The following JAK1 variants were observed in gnomAD, a reference collection of about 807,000 sequenced individuals.
The protein encoded by JAK1 is Janus kinase 1.
A neutral mutation model predicts 136.6 loss-of-function variants in JAK1; 16 were observed. The observed-to-expected ratio is 0.12, with a 90% CI of 0.08 to 0.18. JAK1 has a LOEUF of 0.18. Among genes scored for constraint, JAK1 ranks in the 10% least tolerant of loss-of-function variants. JAK1 has a pLI of 1.00. For missense variants in JAK1, 859 were observed against 1,450.1 expected (o/e 0.59, Z 6.62); for synonymous variants, 492 against 519.5 (o/e 0.95, Z 0.72).
chr1:65,046,788 GA>G (rs1200248541), intron 1 of JAK1, among the ~76,000 whole-genome samples: 1 of 151,208 alleles, frequency 6.6e-6, no homozygotes, highest in Non-Finnish European at 1.5e-5. Flanking sequence ...GGCCTCAAGT[GA>G]TCCACTCGCC....
intron 19 of JAK1, 137 bp downstream of exon 19, chr1:64,841,108 A>G (rs1654870509): frequency 1.5e-6 from 1 of 661,592 alleles, no homozygotes; most frequent in Non-Finnish European, 2.7e-6. Flanking sequence ...GTGGCCCCCA[A>G]ATGCAGTAAG....
intron 4 of JAK1, 49 bp downstream of exon 4, chr1:64,878,976 C>G: frequency 6.3e-7 from 1 of 1,599,272 alleles, no homozygotes; most frequent in Non-Finnish European, 8.5e-7. Flanking sequence ...GACCACTGTC[C>G]CTCAGTGCAG....
chr1:65,004,202 A>G (rs188517394), intron 2 of JAK1: 1 of 152,384 alleles, frequency 6.6e-6, no homozygotes, highest in East Asian at 1.9e-4. Flanking sequence ...CAGCCTCCCA[A>G]AGTGCTGGGA....
chr1:64,880,626 C>G (rs907230647), intron 3 of JAK1, among the ~76,000 whole-genome samples: 3 of 152,180 alleles, frequency 2.0e-5, no homozygotes, highest in African/African-American at 7.2e-5. Flanking sequence ...ATAATACTAA[C>G]ATTTACTGAG....
intron 1 of JAK1, among the ~76,000 whole-genome samples, chr1:64,957,318 G>T (rs753115119): frequency 1.2e-4 from 18 of 152,166 alleles, no homozygotes; most frequent in Admixed American, 3.9e-4. Flanking sequence ...GCATTATAAG[G>T]CCCAAAAGTA....
intron 1 of JAK1, 97 bp from the exon 2 acceptor site, chr1:64,886,438 A>C: frequency 1.6e-6 from 1 of 613,090 alleles, no homozygotes; most frequent in South Asian, 3.4e-5. Flanking sequence ...AACCATAAGC[A>C]GGCAAGAAAA....
At chr1:65,043,345 T>G (rs1333198189) in intron 2 of JAK1, among the ~76,000 whole-genome samples, 1 of 152,176 alleles carries the variant, frequency 6.6e-6, no homozygotes, top group East Asian at 1.9e-4. Context: ...TTCAATAACC[T>G]TGGTTACAGA....
At chr1:64,983,359 C>T (rs1176540264) in intron 2 of JAK1, among the ~76,000 whole-genome samples, 8 of 152,158 alleles carry the variant, frequency 5.3e-5, no homozygotes. Context: ...CATAGACAAG[C>T]ATGCCGTGAC....
At chr1:64,944,046 T>C (rs966362414) in intron 1 of JAK1, among the ~76,000 whole-genome samples, 1 of 151,348 alleles carries the variant, frequency 6.6e-6, no homozygotes, top group Non-Finnish European at 1.5e-5. Context: ...CACAGTGAAA[T>C]CCCGTCTCTA....
In JAK1 at chr1:64,984,735, C is replaced by T; in HGVS notation, c.-78+59745G>A. 1 of 859,134 alleles carries T rather than the reference C, an allele frequency of 1.2e-6. No homozygotes were observed. The highest frequency in any genetic ancestry group is 1.8e-6 in the Non-Finnish European group (1 of 543,154). 53.2% of individuals were successfully genotyped at this position (859,134 alleles called of 1,614,324 possible). A position where few individuals can be genotyped will look rare whatever the true frequency, so the allele number is the denominator to read the frequency against. On this transcript the variant is annotated intron_variant, in intron 2 of 25. Coordinates refer to the JAK1 transcript ENST00000671954. This position sits in a 1 kb window ranked among gnomAD's most constrained non-coding sequence, Gnocchi z 4.1. ...TGTGATATCCTTGAAAGTCCTGTAA[C>T]ACATCTCAGGGACTTTGAAGAAGGT... is the stretch of plus-strand genomic sequence containing the variant.
rs1187538700 is a variant in JAK1 at position 64,860,214 on chromosome 1, C to G, written c.1225G>C (p.Val409Leu). 6.2e-7 allele frequency: 1 copy of G among 1,611,192 alleles called. No homozygotes were observed. Among genetic ancestry groups the G allele is most frequent in the African/African-American group, 1.3e-5 (1 of 74,984 alleles). The stretch of plus-strand genomic sequence containing the variant: ...GCTGTGAGCCGGAAGTAGCCATCTA[C>G]CAGGGACACAAAGGACAAGGCCTCC... ...HEEALSFVSL[V>L]DGYFRLTADA... Residue 409 changes from valine (V) to leucine (L), a missense_variant, in exon 9 of 25, where the codon GTA (valine) becomes CTA (leucine). Val to Leu is a conservative substitution (Grantham distance 32). This residue lies in a region of JAK1 where 409 missense variants were observed against 753.8 expected (regional missense o/e 0.54). Coordinates refer to ENST00000342505, the MANE Select transcript of JAK1 (RefSeq NM_002227.4).
intron 4 of JAK1, among the ~76,000 whole-genome samples, chr1:64,874,358 A>G (rs1398267655): frequency 6.6e-6 from 1 of 152,182 alleles, no homozygotes; most frequent in African/African-American, 2.4e-5. Flanking sequence ...CGAACTGTGT[A>G]GCACAGAAAT....
intron 1 of JAK1, among the ~76,000 whole-genome samples, chr1:65,053,338 C>G (rs553922027): frequency 6.6e-6 from 1 of 152,052 alleles, no homozygotes; most frequent in African/African-American, 2.4e-5. Context: ...GAGCAAGACT[C>G]CGCCTCAAAA....
At chr1:65,054,155 A>G in intron 1 of JAK1, among the ~76,000 whole-genome samples, 1 of 152,146 alleles carries the variant, frequency 6.6e-6, no homozygotes, top group East Asian at 1.9e-4. Context: ...CCCTTAGGGA[A>G]GGTTACTGCT....
At chr1:64,987,250 C>T (rs1646608749) in intron 2 of JAK1, 1 of 152,188 alleles carries the variant, frequency 6.6e-6, no homozygotes, top group South Asian at 2.1e-4. Flanking sequence ...CATATCTATT[C>T]ACTCTACCCT....
chr1:65,057,683 TC>T (rs935811248), intron 1 of JAK1: 3 of 154,772 alleles, frequency 1.9e-5, no homozygotes, highest in Non-Finnish European at 4.4e-5. Context: ...AAAAAAAATT[TC>T]CTAGTCTTTC....
intron 1 of JAK1, among the ~76,000 whole-genome samples, chr1:64,912,600 C>T (rs1446061713): frequency 6.6e-6 from 1 of 152,226 alleles, no homozygotes; most frequent in African/African-American, 2.4e-5. Flanking sequence ...CAATGCTAAT[C>T]ACTCTACATG....
intron 2 of JAK1, among the ~76,000 whole-genome samples, chr1:64,976,164 T>C (rs1006244188): frequency 6.6e-6 from 1 of 152,210 alleles, no homozygotes; most frequent in African/African-American, 2.4e-5. Flanking sequence ...TATAGAGGTC[T>C]CTGATTCAAT....
rs1656192829 is a variant in JAK1 at position 64,860,135 on chromosome 1, T to C, written c.1304A>G (p.Asn435Ser). Residue 435 changes from asparagine (N) to serine (S), a missense_variant, in exon 9 of 25, where the codon AAC becomes AGC. Transcript: ENST00000342505. ...TGGACCATGACAGCCATTCTGTATG[T>C]TGTGGACGATCAACGGGGGGGCCAC... Reference protein sequence around the residue: ...TDVAPPLIVHNIQNGCHGPIC... With the variant: ...TDVAPPLIVHSIQNGCHGPIC... 1 of 1,598,904 alleles carries C rather than the reference T, an allele frequency of 6.3e-7. No individual in the cohort carries two copies. The highest frequency in any genetic ancestry group is 8.5e-7 in the Non-Finnish European group (1 of 1,169,858).
Sources: allele counts gnomAD v4.1 joint callset (sites outside exome capture counted in the v4.1 genomes callset), GRCh38; gene constraint gnomAD v4.1.1; regional missense constraint gnomAD v4.1.1; non-coding constraint Gnocchi (gnomAD v3.1); transcripts MANE v1.5; gene names NCBI Gene and HGNC (gene_info 2026-07-23, HGNC 2026-07-21).